The following ZFAND3 variants were observed in gnomAD, a reference collection of about 807,000 sequenced individuals.
The protein encoded by ZFAND3 is zinc finger AN1-type containing 3, also known as AN1-type zinc finger protein 3.
In ZFAND3, 10 loss-of-function variants were observed where a neutral mutation model predicts 29.6. That is an observed-to-expected ratio of 0.34 (90% CI 0.21 to 0.57). The LOEUF (loss-of-function observed/expected upper bound fraction) is 0.57. Among genes scored for constraint, ZFAND3 ranks in the 20% least tolerant of loss-of-function variants. ZFAND3 has a pLI of 0.86. For missense variants in ZFAND3, 230 were observed against 304.5 expected, an observed-to-expected ratio of 0.76 and a Z score of 1.82; for synonymous variants, 128 against 112.6, an observed-to-expected ratio of 1.14 and a Z score of -0.87.
At chr6:38,105,897 A>T (rs1437200372) in intron 4 of ZFAND3, among the ~76,000 whole-genome samples, 3 of 152,192 alleles carry the variant, frequency 2.0e-5, no homozygotes, top group African/African-American at 7.2e-5. Context: ...AATAAGGCAA[A>T]TAAATATCAC....
rs867050887 is a variant in ZFAND3, at chr6:38,087,100, C to A, written c.361+4643C>A. Among the ~76,000 whole-genome samples, 9 of 152,236 alleles carry A rather than the reference C, an allele frequency of 5.9e-5. No individual in the cohort carries two copies. The Middle Eastern group carries it at 0.01, about 173-fold the overall frequency. ...ACATATACTAGAGAAAAGAAAATAT[C>A]TCCAATAAATGGTGCTGGGAAAACT... On this transcript the variant is annotated intron_variant, in intron 4 of 5. Coordinates refer to ENST00000287218, the MANE Select transcript of ZFAND3 (RefSeq NM_021943.3).
intron 3 of ZFAND3, among the ~76,000 whole-genome samples, chr6:38,063,955 A>G (rs1327805145): frequency 1.3e-5 from 2 of 149,600 alleles, no homozygotes; most frequent in African/African-American, 2.5e-5. Flanking sequence ...TAAGAGGAGA[A>G]AAAAAAAAAC....
chr6:38,000,555 A>G (rs761053429), intron 2 of ZFAND3, among the ~76,000 whole-genome samples: 3 of 152,118 alleles, frequency 2.0e-5, no homozygotes, highest in Non-Finnish European at 4.4e-5. Context: ...CCTCCCCTTT[A>G]TGAAACCATC....
At chr6:38,019,024 G>A (rs1327261972) in intron 2 of ZFAND3, among the ~76,000 whole-genome samples, 2 of 151,908 alleles carry the variant, frequency 1.3e-5, no homozygotes, top group East Asian at 1.9e-4. Flanking sequence ...GTGCAGTGGC[G>A]CCATCTGGGC....
rs148093313 is a variant in ZFAND3, at chr6:37,829,962, T to C, written c.71+9946T>C. On this transcript the variant is annotated intron_variant, in intron 1 of 5. Coordinates refer to ENST00000287218, the MANE Select transcript of ZFAND3 (RefSeq NM_021943.3). Reference sequence around the variant, plus strand: ...TCTCAAAAATCCTGATCTGTGGAAGTGTATGTCCCTACAAACTGCATTTTC... The same window carrying C: ...TCTCAAAAATCCTGATCTGTGGAAGCGTATGTCCCTACAAACTGCATTTTC... Among the ~76,000 whole-genome samples the C allele has an allele frequency of 7.4e-4, 113 of 152,322 alleles. 1 individual carries two copies. In the East Asian group the frequency reaches 0.018, roughly 24 times the overall value.
At chr6:38,020,355 A>T (rs541972893) in intron 2 of ZFAND3, among the ~76,000 whole-genome samples, 37 of 152,032 alleles carry the variant, frequency 2.4e-4, no homozygotes, top group African/African-American at 6.0e-4. Context: ...ATAATTAAAA[A>T]TTTTTTTTTA....
intron 2 of ZFAND3, among the ~76,000 whole-genome samples, chr6:38,002,197 A>G (rs1762960516): frequency 6.6e-6 from 1 of 152,120 alleles, no homozygotes; most frequent in African/African-American, 2.4e-5. Context: ...AAATACTTGC[A>G]AGCTCAATGA....
intron 4 of ZFAND3, among the ~76,000 whole-genome samples, chr6:38,106,926 A>T (rs937307725): frequency 6.6e-6 from 1 of 152,192 alleles, no homozygotes; most frequent in African/African-American, 2.4e-5. Flanking sequence ...TGGGAATATT[A>T]TTGCACTAAA....
rs555802737 is a variant in ZFAND3 at position 37,862,008 on chromosome 6, T to C, written c.71+41992T>C. Among the ~76,000 whole-genome samples the C allele has an allele frequency of 4.6e-5, 7 of 152,350 alleles. No homozygotes were observed. In the South Asian group the frequency reaches 1.4e-3, roughly 32 times the overall value. On this transcript the variant is annotated intron_variant, in intron 1 of 5. Coordinates refer to ENST00000287218, the MANE Select transcript of ZFAND3 (RefSeq NM_021943.3). ...AATTGATTCATAACATTCTTTCTTATTAAGTTGGGCTATGACTTCAGAATT... is the reference window on the plus strand; with the variant it reads ...AATTGATTCATAACATTCTTTCTTACTAAGTTGGGCTATGACTTCAGAATT...
At position 38,122,581 on chromosome 6, in the gene ZFAND3, G is replaced by A. The variant is rs535499189; in HGVS notation, c.529+5842G>A. Among the ~76,000 whole-genome samples, 3 of 152,238 alleles carry A rather than the reference G, an allele frequency of 2.0e-5. No homozygotes were observed. In the East Asian group the frequency reaches 5.8e-4, roughly 29 times the overall value. On this transcript the variant is annotated intron_variant, in intron 5 of 5. Coordinates refer to ENST00000287218, the MANE Select transcript of ZFAND3 (RefSeq NM_021943.3). ...CTTCAGTGGTGGGGGGAGGATTTGG[G>A]AGCATTCCCTTATTCTTTGGCGTAA...
chr6:37,822,775 G>A (rs1166193365), intron 1 of ZFAND3, among the ~76,000 whole-genome samples: 1 of 152,194 alleles, frequency 6.6e-6, no homozygotes, highest in Non-Finnish European at 1.5e-5. Flanking sequence ...TTCAGGCAGT[G>A]GGACTAACAT....
rs56738009 is a variant in ZFAND3, at chr6:37,853,412, G to GAAAAAA, written c.71+33413_71+33418dup. Among the ~76,000 whole-genome samples, 303 of 65,740 alleles carry GAAAAAA rather than the reference G, an allele frequency of 4.6e-3. 4 individuals are homozygous for GAAAAAA. The highest frequency in any genetic ancestry group is 0.018 in the Middle Eastern group (2 of 114). The allele number at this position is 65,740 out of a possible 152,430, so 43.1% of individuals were successfully genotyped here. A position where few individuals can be genotyped will look rare whatever the true frequency, so the allele number is the denominator to read the frequency against. On this transcript the variant is annotated intron_variant, in intron 1 of 5. Transcript: ENST00000287218. ...TGCCAACAGCCCTTCTGAGCCTCAA[G>GAAAAAA]AAAAAAAAAAAAAAAAAAAAAAGAA... is the stretch of plus-strand genomic sequence containing the variant.
intron 4 of ZFAND3, among the ~76,000 whole-genome samples, chr6:38,111,019 CAGTA>C (rs1237518208): frequency 6.6e-6 from 1 of 152,176 alleles, no homozygotes; most frequent in Non-Finnish European, 1.5e-5. Context: ...ACAAGAATGA[CAGTA>C]AGGAACAAAT....
intron 2 of ZFAND3, among the ~76,000 whole-genome samples, chr6:38,014,164 T>C (rs568757961): frequency 1.1e-4 from 17 of 152,276 alleles, no homozygotes; most frequent in African/African-American, 3.8e-4. Flanking sequence ...CTATAAAGGC[T>C]GTATGGGATT....
intron 2 of ZFAND3, among the ~76,000 whole-genome samples, chr6:38,032,073 TCCTC>T (rs1405301102): frequency 6.6e-6 from 1 of 152,162 alleles, no homozygotes; most frequent in East Asian, 1.9e-4. Flanking sequence ...GCTCAAGTGA[TCCTC>T]CCTCCTCAAC....
chr6:37,850,176 A>G (rs559257442), intron 1 of ZFAND3, among the ~76,000 whole-genome samples: 1 of 152,340 alleles, frequency 6.6e-6, no homozygotes, highest in Admixed American at 6.5e-5. Flanking sequence ...TAAAACGTAG[A>G]TGACTGAAAC....
intron 3 of ZFAND3, among the ~76,000 whole-genome samples, chr6:38,079,248 A>G (rs1764612273): frequency 6.6e-6 from 1 of 152,176 alleles, no homozygotes; most frequent in African/African-American, 2.4e-5. Flanking sequence ...AAGCTGGGAT[A>G]TATTATTACT....
rs1283133948 is a variant in ZFAND3, at chr6:37,820,040, CGG to C, written c.71+29_71+30del. ...GGGTAAGTGCCCGGCCGGGTGGGGGCGGGGGGCGGGGGCCGGGGGCGCAGACG... is the reference window on the plus strand; with the variant it reads ...GGGTAAGTGCCCGGCCGGGTGGGGGCGGGGCGGGGGCCGGGGGCGCAGACG... On this transcript the variant is annotated intron_variant, in intron 1 of 5. Transcript: ENST00000287218. 1.8e-5 allele frequency: 4 copies of C among 226,784 alleles called. No individual in the cohort carries two copies. The African/African-American group carries it at 2.1e-4, about 12-fold the overall frequency. The allele number at this position is 226,784 out of a possible 1,614,324, so 14.0% of individuals were successfully genotyped here.
intron 1 of ZFAND3, among the ~76,000 whole-genome samples, chr6:37,820,673 A>T (rs1416097851): frequency 6.6e-6 from 1 of 152,222 alleles, no homozygotes; most frequent in African/African-American, 2.4e-5. Flanking sequence ...GAAAAAAACC[A>T]CACAAAACCT....
Sources: gnomAD v4.1 joint callset for allele counts (sites outside exome capture counted in the v4.1 genomes callset) on GRCh38, gnomAD v4.1.1 for gene constraint, MANE v1.5 for transcripts, NCBI Gene and HGNC (gene_info 2026-07-23, HGNC 2026-07-21) for gene names.